Variants in WWOX observed in about 807,000 individuals in gnomAD.
The protein encoded by WWOX is WW domain-containing oxidoreductase.
In WWOX, 69 loss-of-function variants were observed where a neutral mutation model predicts 46.2. That is an observed-to-expected ratio of 1.49 (90% CI 1.23 to 1.82). The LOEUF is 1.82. Ranked by LOEUF, WWOX falls within the 40% of genes most tolerant of loss-of-function variation. The pLI, the probability that WWOX is intolerant of heterozygous loss-of-function variation, is 0.00. For synonymous variants in WWOX, 359 were observed against 202.6 expected, an observed-to-expected ratio of 1.77 and a Z score of -6.56; for missense variants, 919 against 542.6, an observed-to-expected ratio of 1.69 and a Z score of -6.89.
At chr16:78,300,476 A>T (rs1567485679) in intron 5 of WWOX, among the ~76,000 whole-genome samples, 1 of 151,440 alleles carries the variant, frequency 6.6e-6, no homozygotes, top group Admixed American at 6.6e-5. Flanking sequence ...TCCTCCTGCC[A>T]TGCCTGTCCT....
At chr16:78,389,895 GCAGGTTACCACACA>G (rs1417867887) in intron 6 of WWOX, among the ~76,000 whole-genome samples, 4 of 152,136 alleles carry the variant, frequency 2.6e-5, no homozygotes, top group Non-Finnish European at 4.4e-5. Flanking sequence ...GATTACAGGT[GCAGGTTACCACACA>G]CAGCTAATTT....
rs545548625 is a variant in WWOX at position 79,127,822 on chromosome 16, G to A, written c.1057-83786G>A. Reference sequence around the variant, plus strand: ...TGAGAGTACATGTGGATGGGAAGGTGCAAGTGAATGCTCTCAAAATGTGCT... The same window carrying A: ...TGAGAGTACATGTGGATGGGAAGGTACAAGTGAATGCTCTCAAAATGTGCT... On this transcript the variant is annotated intron_variant, in intron 8 of 8. Transcript: ENST00000566780. Among the ~76,000 whole-genome samples the A allele has an allele frequency of 7.2e-5, 11 of 152,298 alleles. No homozygotes were observed. In the South Asian group the frequency reaches 1.7e-3, roughly 23 times the overall value.
chr16:78,373,829 C>T (rs2151923655), intron 5 of WWOX, among the ~76,000 whole-genome samples: 1 of 152,192 alleles, frequency 6.6e-6, no homozygotes, highest in African/African-American at 2.4e-5. Context: ...TCAGTGTCAC[C>T]CAGGCTGGAA....
At chr16:79,041,282 C>T (rs1189526359) in intron 8 of WWOX, among the ~76,000 whole-genome samples, 1 of 152,146 alleles carries the variant, frequency 6.6e-6, no homozygotes, top group Non-Finnish European at 1.5e-5. Flanking sequence ...TTAATCATCT[C>T]CCTGTCACCC....
intron 8 of WWOX, among the ~76,000 whole-genome samples, chr16:78,859,908 A>G (rs1330068765): frequency 6.6e-6 from 1 of 152,170 alleles, no homozygotes; most frequent in African/African-American, 2.4e-5. Context: ...TTCCAAGTAG[A>G]CATATTTTTT....
At chr16:78,699,370 A>G (rs1398232228) in intron 8 of WWOX, among the ~76,000 whole-genome samples, 1 of 142,060 alleles carries the variant, frequency 7.0e-6, no homozygotes, top group Non-Finnish European at 1.5e-5. Flanking sequence ...TTCTACAAAA[A>G]ATACAAAAAA....
intron 8 of WWOX, among the ~76,000 whole-genome samples, chr16:78,882,755 C>T (rs1021777618): frequency 6.6e-6 from 1 of 151,360 alleles, no homozygotes; most frequent in South Asian, 2.1e-4. Flanking sequence ...TCTTAAAATT[C>T]TGGGATTACA....
intron 8 of WWOX, among the ~76,000 whole-genome samples, chr16:78,632,486 C>T (rs1026457413): frequency 1.3e-5 from 2 of 149,950 alleles, no homozygotes; most frequent in Admixed American, 1.3e-4. Flanking sequence ...GAGAAACGAG[C>T]AAGGTGTTGA....
At chr16:79,161,614 C>T (rs1274845595) in intron 8 of WWOX, among the ~76,000 whole-genome samples, 1 of 152,112 alleles carries the variant, frequency 6.6e-6, no homozygotes, top group African/African-American at 2.4e-5. Flanking sequence ...CTGCTGTCTC[C>T]CGGATTCAAG....
chr16:78,861,911 T>A (rs2043893164), intron 8 of WWOX, among the ~76,000 whole-genome samples: 1 of 152,218 alleles, frequency 6.6e-6, no homozygotes, highest in South Asian at 2.1e-4. Flanking sequence ...AATTGCTTTC[T>A]GGTGATAAAC....
At chr16:78,828,388 C>T (rs1032132572) in intron 8 of WWOX, among the ~76,000 whole-genome samples, 2 of 152,122 alleles carry the variant, frequency 1.3e-5, no homozygotes, top group South Asian at 2.1e-4. Flanking sequence ...TTAGGACCAA[C>T]ATTTAGGCAA....
intron 8 of WWOX, among the ~76,000 whole-genome samples, chr16:78,458,687 T>C (rs1338435765): frequency 4.6e-5 from 7 of 152,216 alleles, no homozygotes; most frequent in Non-Finnish European, 7.3e-5. Context: ...TTAGCATTAA[T>C]ATTAGGGAAG....
intron 8 of WWOX, among the ~76,000 whole-genome samples, chr16:78,860,073 A>G (rs1191080995): frequency 1.3e-5 from 2 of 152,224 alleles, no homozygotes; most frequent in African/African-American, 4.8e-5. Flanking sequence ...CTAGCCGCAT[A>G]TTAGCATTAT....
At chr16:78,358,524 G>A (rs1260023147) in intron 5 of WWOX, among the ~76,000 whole-genome samples, 1 of 152,120 alleles carries the variant, frequency 6.6e-6, no homozygotes, top group Non-Finnish European at 1.5e-5. Context: ...TGGGTGTGGT[G>A]GCACATGCCT....
intron 8 of WWOX, among the ~76,000 whole-genome samples, chr16:79,187,311 G>A (rs184910359): frequency 6.6e-6 from 1 of 152,236 alleles, no homozygotes; most frequent in Non-Finnish European, 1.5e-5. Context: ...ATATCGTGGT[G>A]CCCCCAAACA....
chr16:78,707,958 T>C (rs1438458089), intron 8 of WWOX, among the ~76,000 whole-genome samples: 1 of 152,234 alleles, frequency 6.6e-6, no homozygotes, highest in Admixed American at 6.5e-5. Context: ...CCATTACTTT[T>C]AATGGAATAG....
At chr16:78,368,553 C>G (rs776511665) in intron 5 of WWOX, among the ~76,000 whole-genome samples, 65 of 152,144 alleles carry the variant, frequency 4.3e-4, no homozygotes, top group Non-Finnish European at 8.8e-4. Flanking sequence ...TATCCTCAAA[C>G]CAAGGAGAAA....
Position 78,345,781 on chromosome 16 carries a change from C to A in WWOX, c.517-41079C>A, listed in dbSNP as rs115536175. ...AAGCAGAGTGGGCCATTTGAATGCTCACTTTGATATTTTTTAAAGGAAAAA... is the reference window on the plus strand; with the variant it reads ...AAGCAGAGTGGGCCATTTGAATGCTAACTTTGATATTTTTTAAAGGAAAAA... On this transcript the variant is annotated intron_variant, in intron 5 of 8. Transcript: ENST00000566780. Among the ~76,000 whole-genome samples, 87 of 118,622 alleles carry A rather than the reference C, an allele frequency of 7.3e-4. 20 individuals are homozygous for A. The highest frequency in any genetic ancestry group is 4.1e-3 in the Middle Eastern group (1 of 242). 77.8% of individuals were successfully genotyped at this position (118,622 alleles called of 152,430 possible).
chr16:78,973,474 C>A (rs954461901), intron 8 of WWOX, among the ~76,000 whole-genome samples: 4 of 152,198 alleles, frequency 2.6e-5, no homozygotes, highest in Non-Finnish European at 4.4e-5. Flanking sequence ...AAAGTATCTG[C>A]TGATTTCTTC....
Sources: allele counts gnomAD v4.1 joint callset (sites outside exome capture counted in the v4.1 genomes callset), GRCh38; gene constraint gnomAD v4.1.1; transcripts MANE v1.5; gene names NCBI Gene and HGNC (gene_info 2026-07-23, HGNC 2026-07-21).